Variants in ACBD6 observed in about 807,000 individuals in gnomAD.
ACBD6 encodes the protein acyl-CoA-binding domain-containing protein 6.
ACBD6 carries 28 observed loss-of-function variants against 37.2 expected under a neutral mutation model. The observed-to-expected ratio is 0.75, with a 90% CI of 0.56 to 1.03. ACBD6 has a LOEUF of 1.03. Among genes scored for constraint, ACBD6 ranks in the 50% least tolerant of loss-of-function variants. ACBD6 has a pLI of 0.00. For missense variants in ACBD6, 340 were observed against 337.4 expected (o/e 1.01, Z -0.06); for synonymous variants, 113 against 126.8 (o/e 0.89, Z 0.73).
At position 180,415,169 on chromosome 1, in the gene ACBD6, C is replaced by A. The variant is rs77948763; in HGVS notation, c.468-1698G>T. On this transcript the variant is annotated intron_variant, in intron 4 of 7. Transcript: ENST00000367595. ...AGGTCTGCATTTTGGGAGGCCAAGG[C>A]GGGTGGATCATAAGGTCAGGAGTTC... 6.7e-3 allele frequency among the ~76,000 whole-genome samples: 1,014 copies of A among 152,054 alleles called. 16 individuals carry two copies. The highest frequency in any genetic ancestry group is 0.023 in the African/African-American group (967 of 41,472).
At chr1:180,297,839 C>T (rs184601263) in intron 7 of ACBD6, among the ~76,000 whole-genome samples, 2 of 152,296 alleles carry the variant, frequency 1.3e-5, no homozygotes, top group East Asian at 1.9e-4. Context: ...CTCCCGGGTT[C>T]GAGCGATTCT....
chr1:180,350,163 C>G, intron 6 of ACBD6, among the ~76,000 whole-genome samples: 1 of 151,770 alleles, frequency 6.6e-6, no homozygotes, highest in African/African-American at 2.4e-5. Flanking sequence ...GTAGCTGGGA[C>G]TATAAATGCA....
At chr1:180,477,119 A>G (rs1320388592) in intron 3 of ACBD6, among the ~76,000 whole-genome samples, 2 of 152,186 alleles carry the variant, frequency 1.3e-5, no homozygotes, top group Non-Finnish European at 2.9e-5. Flanking sequence ...CAGGTAATGG[A>G]TACATCTTGA....
chr1:180,429,756 TTAAAA>T (rs1028888992), intron 4 of ACBD6, among the ~76,000 whole-genome samples: 22 of 152,094 alleles, frequency 1.4e-4, no homozygotes, highest in African/African-American at 5.3e-4. Flanking sequence ...AATTAAAAAA[TTAAAA>T]TATTTAAAAT....
intron 3 of ACBD6, among the ~76,000 whole-genome samples, chr1:180,452,357 C>G (rs1649741137): frequency 6.6e-6 from 1 of 152,064 alleles, no homozygotes; most frequent in Non-Finnish European, 1.5e-5. Context: ...GTAGTCCCAG[C>G]TACTCGGGAG....
At chr1:180,312,493 A>AATG (rs1281662311) in intron 7 of ACBD6, among the ~76,000 whole-genome samples, 1 of 152,150 alleles carries the variant, frequency 6.6e-6, no homozygotes, top group African/African-American at 2.4e-5. Flanking sequence ...ATTGTTTGAG[A>AATG]ATGATGATGA....
intron 6 of ACBD6, among the ~76,000 whole-genome samples, chr1:180,384,598 A>C (rs937608067): frequency 2.6e-5 from 4 of 152,236 alleles, no homozygotes; most frequent in African/African-American, 9.6e-5. Flanking sequence ...TGAAGATTTC[A>C]TAAAAAACTA....
At chr1:180,501,201 C>A (rs772348592) in intron 1 of ACBD6, among the ~76,000 whole-genome samples, 2 of 152,124 alleles carry the variant, frequency 1.3e-5, no homozygotes, top group Non-Finnish European at 2.9e-5. Context: ...ATTATTTCCT[C>A]TGGTGTTCAT....
intron 5 of ACBD6, among the ~76,000 whole-genome samples, chr1:180,399,937 T>C (rs1647278623): frequency 1.3e-5 from 2 of 152,226 alleles, no homozygotes; most frequent in East Asian, 1.9e-4. Flanking sequence ...TATATTTACA[T>C]AGGGTACTTA....
At chr1:180,475,540 C>A (rs541831727) in intron 3 of ACBD6, among the ~76,000 whole-genome samples, 15 of 152,112 alleles carry the variant, frequency 9.9e-5, no homozygotes, top group Non-Finnish European at 1.8e-4. Context: ...GTGTAAACCA[C>A]CACACTCAGC....
intron 3 of ACBD6, among the ~76,000 whole-genome samples, chr1:180,467,476 AAAC>A (rs1195780976): frequency 6.6e-6 from 1 of 150,456 alleles, no homozygotes; most frequent in African/African-American, 2.4e-5. Flanking sequence ...AAAAAAACAA[AAAC>A]AAACAAACAA....
chr1:180,389,996 CTTTAG>C (rs1317219769), intron 6 of ACBD6, among the ~76,000 whole-genome samples: 2 of 151,764 alleles, frequency 1.3e-5, no homozygotes, highest in East Asian at 3.8e-4. Flanking sequence ...TGCAGAAGCT[CTTTAG>C]TTTAATTAGA....
intron 3 of ACBD6, among the ~76,000 whole-genome samples, chr1:180,475,195 G>T (rs1023385966): frequency 1.3e-5 from 2 of 152,168 alleles, no homozygotes; most frequent in African/African-American, 2.4e-5. Flanking sequence ...TATTTAAATT[G>T]TACAGTTTGA....
At chr1:180,396,085 C>G (rs1009411515) in intron 6 of ACBD6, among the ~76,000 whole-genome samples, 1 of 151,990 alleles carries the variant, frequency 6.6e-6, no homozygotes, top group African/African-American at 2.4e-5. Flanking sequence ...TATGAGGTAC[C>G]TAGAGTAGTC....
chr1:180,492,809 T>C (rs955584772), intron 2 of ACBD6, among the ~76,000 whole-genome samples: 1 of 152,176 alleles, frequency 6.6e-6, no homozygotes, highest in Admixed American at 6.5e-5. Flanking sequence ...TAAAAAACAA[T>C]ATTCCCAAGG....
intron 6 of ACBD6, chr1:180,326,687 G>C (rs1032500932): frequency 4.6e-5 from 7 of 152,224 alleles, no homozygotes; most frequent in African/African-American, 1.4e-4. Flanking sequence ...ACATCTCAGA[G>C]TATCACCCAA....
intron 3 of ACBD6, among the ~76,000 whole-genome samples, chr1:180,450,163 A>C (rs942344536): frequency 2.6e-5 from 4 of 152,230 alleles, no homozygotes; most frequent in Non-Finnish European, 5.9e-5. Context: ...TGAAAGTTAA[A>C]GAATAATTAA....
At chr1:180,385,704 C>T (rs866038137) in intron 6 of ACBD6, among the ~76,000 whole-genome samples, 24 of 152,048 alleles carry the variant, frequency 1.6e-4, no homozygotes, top group African/African-American at 5.3e-4. Context: ...TGGTGGCTAT[C>T]TACAAGCCAA....
At chr1:180,471,150 A>C (rs1003962576) in intron 3 of ACBD6, among the ~76,000 whole-genome samples, 22 of 152,192 alleles carry the variant, frequency 1.4e-4, no homozygotes, top group African/African-American at 5.3e-4. Flanking sequence ...TTGTAATCCC[A>C]GCACTTTGGG....
Sources: gnomAD v4.1 joint callset for allele counts (sites outside exome capture counted in the v4.1 genomes callset) on GRCh38, gnomAD v4.1.1 for gene constraint, MANE v1.5 for transcripts, NCBI Gene and HGNC (gene_info 2026-07-23, HGNC 2026-07-21) for gene names.